The following CAMTA1 variants were observed in gnomAD, a reference collection of about 807,000 sequenced individuals.
The protein encoded by CAMTA1 is calmodulin binding transcription activator 1.
CAMTA1 carries 27 observed loss-of-function variants against 170.9 expected under a neutral mutation model. That is an observed-to-expected ratio of 0.16 (90% CI 0.12 to 0.22). The LOEUF (loss-of-function observed/expected upper bound fraction) is 0.22. CAMTA1 is among the 10% of genes least tolerant of loss of function. CAMTA1 has a pLI of 1.00. For synonymous variants in CAMTA1, 833 were observed against 891.5 expected, an observed-to-expected ratio of 0.93 and a Z score of 1.17; for missense variants, 1,619 against 2,217.2, an observed-to-expected ratio of 0.73 and a Z score of 5.42.
chr1:7,439,015 C>T (rs1280268079), intron 5 of CAMTA1, among the ~76,000 whole-genome samples: 2 of 152,172 alleles, frequency 1.3e-5, no homozygotes, highest in African/African-American at 2.4e-5. Flanking sequence ...GAGCAGGGCT[C>T]GTGCTGGCTC....
intron 6 of CAMTA1, among the ~76,000 whole-genome samples, chr1:7,468,247 C>G: frequency 6.6e-6 from 1 of 152,210 alleles, no homozygotes; most frequent in Middle Eastern, 3.2e-3. Context: ...TGGCTGAAAG[C>G]TGTACATTCA....
intron 5 of CAMTA1, among the ~76,000 whole-genome samples, chr1:7,292,169 T>C (rs1189973500): frequency 6.6e-6 from 1 of 152,140 alleles, no homozygotes; most frequent in Non-Finnish European, 1.5e-5. Flanking sequence ...ATAAAATATA[T>C]GGAGATTGAA....
chr1:7,446,798 G>A (rs377716604), intron 5 of CAMTA1, among the ~76,000 whole-genome samples: 1 of 152,190 alleles, frequency 6.6e-6, no homozygotes, highest in African/African-American at 2.4e-5. Context: ...TCCCTTCCCC[G>A]GGGCTGTGGA....
At chr1:6,951,995 A>G (rs906400102) in intron 3 of CAMTA1, among the ~76,000 whole-genome samples, 2 of 151,998 alleles carry the variant, frequency 1.3e-5, no homozygotes, top group African/African-American at 4.8e-5. Flanking sequence ...CCCAAACCCC[A>G]TCTCCCACCT....
chr1:7,416,493 G>A (rs529229757), intron 5 of CAMTA1, among the ~76,000 whole-genome samples: 10 of 151,770 alleles, frequency 6.6e-5, no homozygotes, highest in Middle Eastern at 3.4e-3. Context: ...TTCTCTTCTC[G>A]CTTCATTTCA....
intron 10 of CAMTA1, among the ~76,000 whole-genome samples, chr1:7,672,867 C>A (rs1380398232): frequency 1.3e-5 from 2 of 152,148 alleles, no homozygotes; most frequent in Non-Finnish European, 2.9e-5. Flanking sequence ...CACCCCACCC[C>A]CTGCTGGCCC....
At chr1:7,253,100 G>T (rs1666865674) in intron 5 of CAMTA1, among the ~76,000 whole-genome samples, 1 of 152,196 alleles carries the variant, frequency 6.6e-6, no homozygotes, top group South Asian at 2.1e-4. Flanking sequence ...AGGAAAAAGA[G>T]GGTGGTTGCG....
At chr1:7,518,877 G>GA (rs1033018790) in intron 6 of CAMTA1, among the ~76,000 whole-genome samples, 8 of 151,908 alleles carry the variant, frequency 5.3e-5, no homozygotes, top group African/African-American at 1.7e-4. Flanking sequence ...GAGTGCTCCC[G>GA]AAAAAATGGC....
chr1:7,604,245 G>A (rs574239135), intron 6 of CAMTA1, among the ~76,000 whole-genome samples: 1 of 152,272 alleles, frequency 6.6e-6, no homozygotes, highest in South Asian at 2.1e-4. Flanking sequence ...GCTAGATTGG[G>A]GAAGTTCTCC....
intron 5 of CAMTA1, among the ~76,000 whole-genome samples, chr1:7,312,306 GA>G (rs372414677): frequency 2.7e-5 from 4 of 146,050 alleles, no homozygotes; most frequent in Admixed American, 6.8e-5. Context: ...ATGGATAAAA[GA>G]AAAAAAAAAC....
intron 6 of CAMTA1, among the ~76,000 whole-genome samples, chr1:7,627,292 G>A (rs958182053): frequency 6.6e-6 from 1 of 152,158 alleles, no homozygotes; most frequent in Non-Finnish European, 1.5e-5. Context: ...ACTTTACCTA[G>A]ATGGGCTCCT....
chr1:6,918,975 G>A lies in CAMTA1; in HGVS notation c.234+93765G>A, dbSNP rs1681412607. ...GACCCTGCAAGCTAGAAGCCAAAGA[G>A]CTGAACATTGGAAGGCCTCCTTACC... On this transcript the variant is annotated intron_variant, in intron 3 of 22. Transcript: ENST00000303635. The surrounding 1 kb of genome is among the most constrained non-coding windows in gnomAD (Gnocchi z 4.0). 1.3e-5 allele frequency among the ~76,000 whole-genome samples: 2 copies of A among 152,336 alleles called. No homozygotes were observed. Among genetic ancestry groups the A allele is most frequent in the Non-Finnish European group, 2.9e-5 (2 of 68,026 alleles).
rs200801799 is a variant in CAMTA1, at chr1:7,736,547, C to T, written c.3263+7C>T. The T allele has an allele frequency of 8.1e-6, 13 of 1,613,116 alleles. No individual in the cohort carries two copies. The highest frequency in any genetic ancestry group is 3.3e-5 in the Admixed American group (2 of 59,998). ...AGACCCTCATCAAATGGCGGTAAGG[C>T]TGTGGTGCAGCTGGCTGGGGGTCAG... On this transcript the variant is annotated splice_region_variant and intron_variant, in intron 13 of 22. Coordinates refer to ENST00000303635, the MANE Select transcript of CAMTA1 (RefSeq NM_015215.4). The surrounding 1 kb of genome is among the most constrained non-coding windows in gnomAD (Gnocchi z 4.5).
chr1:6,902,226 G>C (rs1353911043), intron 3 of CAMTA1, among the ~76,000 whole-genome samples: 2 of 152,098 alleles, frequency 1.3e-5, no homozygotes, highest in African/African-American at 4.8e-5. Flanking sequence ...CCCACTTCTA[G>C]GTATTTACCT....
intron 6 of CAMTA1, among the ~76,000 whole-genome samples, chr1:7,475,633 C>T (rs572963140): frequency 1.1e-4 from 16 of 152,330 alleles, no homozygotes; most frequent in Admixed American, 7.8e-4. Flanking sequence ...CGCTCACCAC[C>T]GTGCATGGCT....
intron 4 of CAMTA1, among the ~76,000 whole-genome samples, chr1:7,101,630 G>T (rs1642712978): frequency 6.6e-6 from 1 of 152,180 alleles, no homozygotes. Flanking sequence ...GCTTTGCGTT[G>T]TGTGTGTGAG....
chr1:6,939,724 A>G (rs1686092146), intron 3 of CAMTA1, among the ~76,000 whole-genome samples: 1 of 152,224 alleles, frequency 6.6e-6, no homozygotes, highest in Admixed American at 6.5e-5. Flanking sequence ...CTCACCTCAG[A>G]GAAGCCCAAA....
rs1312477083 is a variant in CAMTA1, at chr1:7,634,241, G to A, written c.511-6159G>A. Among the ~76,000 whole-genome samples, 1 of 152,180 alleles carries A rather than the reference G, an allele frequency of 6.6e-6. No homozygotes were observed. The highest frequency in any genetic ancestry group is 6.5e-5 in the Admixed American group (1 of 15,278). On this transcript the variant is annotated intron_variant, in intron 6 of 22. Transcript: ENST00000303635. This position sits in a 1 kb window ranked among gnomAD's most constrained non-coding sequence, Gnocchi z 6.2. ...CAGACTTGGTCATTGCAGGCAGGGG[G>A]TATATGGGAGGATTAGGCTTCCTGG...
intron 3 of CAMTA1, among the ~76,000 whole-genome samples, chr1:6,975,042 C>A (rs1380011388): frequency 6.6e-6 from 1 of 152,196 alleles, no homozygotes; most frequent in Non-Finnish European, 1.5e-5. Context: ...ATCACCCTGC[C>A]ACCCATGGTC....
Sources: allele counts gnomAD v4.1 joint callset (sites outside exome capture counted in the v4.1 genomes callset), GRCh38; gene constraint gnomAD v4.1.1; non-coding constraint Gnocchi (gnomAD v3.1); transcripts MANE v1.5; gene names NCBI Gene and HGNC (gene_info 2026-07-23, HGNC 2026-07-21).